The following CTNNA2 variants were observed in gnomAD, a reference collection of about 807,000 sequenced individuals.
CTNNA2 encodes the protein catenin alpha 2.
Under a neutral mutation model 101.0 loss-of-function variants are expected in CTNNA2, and 42 were observed. The ratio of observed to expected loss-of-function variants is 0.42; its 90% CI spans 0.32 to 0.54. The LOEUF (loss-of-function observed/expected upper bound fraction) is 0.54, where lower values mean the gene tolerates loss of function less well. Ranked by LOEUF, CTNNA2 falls within the 20% of genes least tolerant of loss-of-function variation. The pLI is 0.14. For missense variants in CTNNA2, 871 were observed against 1,223.1 expected (o/e 0.71, Z 4.29); for synonymous variants, 450 against 456.4 (o/e 0.99, Z 0.18).
At chr2:80,604,346 A>T (rs1251656845) in intron 16 of CTNNA2, among the ~76,000 whole-genome samples, 167 bp downstream of exon 16, 2 of 151,984 alleles carry the variant, frequency 1.3e-5, no homozygotes, top group Non-Finnish European at 2.9e-5. Context: ...ACACTGTGCT[A>T]GTGGCAAACG....
rs1673297877 is a variant in CTNNA2, at chr2:80,269,593, TGC to T, written c.1057-123617_1057-123616del. On this transcript the variant is annotated intron_variant, in intron 7 of 18. Coordinates refer to ENST00000402739, the MANE Select transcript of CTNNA2 (RefSeq NM_001282597.3). ...GTCCTATATCATTCAGAAAAAAAAA[TGC>T]TGTTATATGTTTCTATCAATCCCAA... Among the ~76,000 whole-genome samples, 2 of 152,068 alleles carry T rather than the reference TGC, an allele frequency of 1.3e-5. 1 individual carries two copies. Among genetic ancestry groups the T allele is most frequent in the South Asian group, 4.1e-4 (2 of 4,826 alleles).
chr2:79,717,960 G>C (rs1686217978), intron 2 of CTNNA2, among the ~76,000 whole-genome samples: 1 of 151,092 alleles, frequency 6.6e-6, no homozygotes, highest in African/African-American at 2.4e-5. Context: ...CAGATAGTTA[G>C]GTGTATCCCT....
chr2:79,237,466 T>A lies in CTNNA2; in HGVS notation c.-406+39390T>A, dbSNP rs75667232. Among the ~76,000 whole-genome samples, 63 of 152,296 alleles carry A rather than the reference T, an allele frequency of 4.1e-4. No homozygotes were observed. The East Asian group carries it at 0.012, about 28-fold the overall frequency. On this transcript the variant is annotated intron_variant, in intron 2 of 21. Coordinates refer to the CTNNA2 transcript ENST00000466387. ...ATGGTGAGTGAGCATTGCCTTCAAC[T>A]CAAATTCACTAGCTGCATTAGCCCT...
intron 7 of CTNNA2, among the ~76,000 whole-genome samples, chr2:80,161,360 A>T (rs1215185778): frequency 6.6e-6 from 1 of 152,106 alleles, no homozygotes; most frequent in East Asian, 1.9e-4. Flanking sequence ...TCAGTATATT[A>T]AAAAGGAACA....
At chr2:80,617,308 A>G (rs1698933131) in intron 17 of CTNNA2, among the ~76,000 whole-genome samples, 1 of 151,584 alleles carries the variant, frequency 6.6e-6, no homozygotes, top group Non-Finnish European at 1.5e-5. Flanking sequence ...GTTATAAAAA[A>G]TCAAAGATAA....
chr2:79,339,402 C>T (rs889917510), intron 3 of CTNNA2, among the ~76,000 whole-genome samples: 6 of 152,250 alleles, frequency 3.9e-5, no homozygotes, highest in African/African-American at 1.4e-4. Flanking sequence ...AGGGTATTGT[C>T]ACCATAAGTG....
Position 80,574,258 on chromosome 2 carries a change from T to A in CTNNA2, c.1837T>A (p.Ser613Thr). ...PFEENEFIDA[S>T]RLVYDGVRDI... ...TGAGGAGAATGAGTTCATCGATGCC[T>A]CTCGCCTGGTGTATGATGGCGTTCG... The change falls in exon 13 of 19, where the codon TCT (serine) becomes ACT (threonine). Residue 613 changes from serine to threonine, a missense_variant. Transcript: ENST00000402739. 2 of 1,613,700 alleles carry A rather than the reference T, an allele frequency of 1.2e-6. No homozygotes were observed. Among genetic ancestry groups the A allele is most frequent in the Non-Finnish European group, 1.7e-6 (2 of 1,179,714 alleles).
chr2:79,281,511 G>A lies in CTNNA2; in HGVS notation c.-405-31198G>A, dbSNP rs1675383307. The A allele has an allele frequency of 4.6e-5, 7 of 152,298 alleles. No homozygotes were observed. The South Asian group carries it at 1.5e-3, about 32-fold the overall frequency. The allele number at this position is 152,298 out of a possible 1,614,324, so 9.4% of individuals were successfully genotyped here. A position where few individuals can be genotyped will look rare whatever the true frequency, so the allele number is the denominator to read the frequency against. ...CCAACTGACGTGGAAATCAAATAAA[G>A]CAACAAAGAACTGCTTTTTCAACTG... On this transcript the variant is annotated intron_variant, in intron 2 of 21. Coordinates refer to the CTNNA2 transcript ENST00000466387.
intron 2 of CTNNA2, among the ~76,000 whole-genome samples, chr2:79,742,985 G>T (rs1671397257): frequency 6.6e-6 from 1 of 151,946 alleles, no homozygotes; most frequent in Non-Finnish European, 1.5e-5. Context: ...AAACTGACCG[G>T]ATATTAATTG....
intron 3 of CTNNA2, among the ~76,000 whole-genome samples, chr2:79,798,007 G>C (rs923572172): frequency 4.6e-5 from 7 of 151,926 alleles, no homozygotes; most frequent in African/African-American, 1.2e-4. Context: ...TATATTCCCT[G>C]ATAGATCTTT....
chr2:80,170,551 A>T (rs1052250520), intron 7 of CTNNA2, among the ~76,000 whole-genome samples: 6 of 152,156 alleles, frequency 3.9e-5, no homozygotes, highest in Non-Finnish European at 7.4e-5. Flanking sequence ...ATGACCTATT[A>T]CAACCTATTG....
chr2:79,610,856 CT>C (rs1211849052), intron 1 of CTNNA2, among the ~76,000 whole-genome samples: 1 of 151,924 alleles, frequency 6.6e-6, no homozygotes, highest in Non-Finnish European at 1.5e-5. Flanking sequence ...TTCTTTTGTA[CT>C]AGAATAAAGT....
At chr2:80,442,261 C>G (rs1682660479) in intron 9 of CTNNA2, among the ~76,000 whole-genome samples, 1 of 152,194 alleles carries the variant, frequency 6.6e-6, no homozygotes, top group Admixed American at 6.5e-5. Context: ...AGTCTATTCT[C>G]AAAGCTCCCA....
intron 12 of CTNNA2, among the ~76,000 whole-genome samples, chr2:80,569,648 T>G (rs1163691688): frequency 1.9e-5 from 2 of 107,816 alleles, no homozygotes; most frequent in East Asian, 2.6e-4. Context: ...TTTTTTTTTT[T>G]TTTTTTTTTT....
At chr2:80,366,155 G>A (rs1391735074) in intron 7 of CTNNA2, among the ~76,000 whole-genome samples, 1 of 152,106 alleles carries the variant, frequency 6.6e-6, no homozygotes, top group Non-Finnish European at 1.5e-5. Context: ...GACTTCTGGG[G>A]TTCTGGTCCC....
At chr2:80,141,296 AAC>A (rs1702995980) in intron 7 of CTNNA2, among the ~76,000 whole-genome samples, 1 of 151,944 alleles carries the variant, frequency 6.6e-6, no homozygotes, top group Admixed American at 6.6e-5. Context: ...TTCAACATGT[AAC>A]ACAGTTTCCT....
intron 4 of CTNNA2, among the ~76,000 whole-genome samples, chr2:79,433,754 C>T (rs980563104): frequency 6.6e-6 from 1 of 150,790 alleles, no homozygotes; most frequent in African/African-American, 2.4e-5. Context: ...TTTAGAAATA[C>T]ATCTACAAGA....
intron 7 of CTNNA2, among the ~76,000 whole-genome samples, chr2:80,009,996 T>C (rs1006371407): frequency 6.6e-6 from 1 of 152,202 alleles, no homozygotes; most frequent in Non-Finnish European, 1.5e-5. Context: ...ACTCCTTCAC[T>C]GATAAAATTG....
chr2:79,286,961 T>C (rs1675612017), intron 2 of CTNNA2, among the ~76,000 whole-genome samples: 1 of 152,218 alleles, frequency 6.6e-6, no homozygotes, highest in Non-Finnish European at 1.5e-5. Context: ...TTTCTTTTTA[T>C]TCTTTTTTTC....
Sources: gnomAD v4.1 joint callset for allele counts (sites outside exome capture counted in the v4.1 genomes callset) on GRCh38, gnomAD v4.1.1 for gene constraint, MANE v1.5 for transcripts, NCBI Gene and HGNC (gene_info 2026-07-23, HGNC 2026-07-21) for gene names.